Variants in GPR158 observed in about 807,000 individuals in gnomAD.
GPR158 encodes the protein G protein-coupled receptor 158.
In GPR158, 30 loss-of-function variants were observed where a neutral mutation model predicts 78.2. The observed-to-expected ratio is 0.38, with a 90% CI of 0.29 to 0.52. The LOEUF is 0.52. Ranked by LOEUF, GPR158 falls within the 20% of genes least tolerant of loss-of-function variation. The pLI is 0.83. For missense variants in GPR158, 1,463 were observed against 1,523.5 expected (o/e 0.96, Z 0.66); for synonymous variants, 581 against 591.1 (o/e 0.98, Z 0.25).
chr10:25,570,386 T>C (rs1836988781), intron 6 of GPR158, among the ~76,000 whole-genome samples: 1 of 152,204 alleles, frequency 6.6e-6, no homozygotes, highest in Non-Finnish European at 1.5e-5. Flanking sequence ...AAGGCCTCTT[T>C]TTGACTATGG....
rs869114678 is a variant in GPR158, at chr10:25,531,631, ATT to A, written c.1405-19343_1405-19342del. ...CTCCCTCGTCATAGGATTTGGTATT[ATT>A]TATGTTAATTTGCCATTGAGGGAAT... On this transcript the variant is annotated intron_variant, in intron 5 of 10. Coordinates refer to ENST00000376351, the MANE Select transcript of GPR158 (RefSeq NM_020752.3). 3.4e-5 allele frequency among the ~76,000 whole-genome samples: 5 copies of A among 145,566 alleles called. No individual in the cohort carries two copies. In the East Asian group the frequency reaches 1.0e-3, roughly 30 times the overall value.
At chr10:25,370,775 G>A (rs1385035540) in intron 2 of GPR158, among the ~76,000 whole-genome samples, 1 of 150,084 alleles carries the variant, frequency 6.7e-6, no homozygotes, top group Non-Finnish European at 1.5e-5. Flanking sequence ...GGGTGTTAAA[G>A]TCTCCCATTG....
In GPR158 at chr10:25,215,064, C is replaced by T. The variant is rs139922366; in HGVS notation, c.903-5988C>T. Among the ~76,000 whole-genome samples, 442 of 152,172 alleles carry T rather than the reference C, an allele frequency of 2.9e-3. 1 individual carries two copies. Among genetic ancestry groups the T allele is most frequent in the African/African-American group, 0.01 (430 of 41,532 alleles). ...TTCTAAATTTTGTTAAAAATCTAAG[C>T]GGCTCCATAGCAAGATTATTTACAA... On this transcript the variant is annotated intron_variant, in intron 1 of 10. Coordinates refer to ENST00000376351, the MANE Select transcript of GPR158 (RefSeq NM_020752.3).
intron 4 of GPR158, among the ~76,000 whole-genome samples, chr10:25,425,989 G>T (rs1484899831): frequency 1.3e-5 from 2 of 152,038 alleles, no homozygotes; most frequent in African/African-American, 4.8e-5. Context: ...GTGTGCAATT[G>T]TTCTTTATGT....
intron 3 of GPR158, among the ~76,000 whole-genome samples, chr10:25,396,604 G>T (rs910918312): frequency 6.6e-6 from 1 of 151,922 alleles, no homozygotes; most frequent in African/African-American, 2.4e-5. Context: ...TTCAAAACCA[G>T]CCTGGACAAC....
In GPR158 at chr10:25,376,395, G is replaced by T. The variant is rs138129907; in HGVS notation, c.1009-19516G>T. On this transcript the variant is annotated intron_variant, in intron 2 of 10. Coordinates refer to ENST00000376351, the MANE Select transcript of GPR158 (RefSeq NM_020752.3). ...TACAGTTAATGATGTATTTGGCTTTGTATATACAGTTTTACAAATTGATTT... is the reference window on the plus strand; with the variant it reads ...TACAGTTAATGATGTATTTGGCTTTTTATATACAGTTTTACAAATTGATTT... 1.3e-3 allele frequency among the ~76,000 whole-genome samples: 195 copies of T among 151,572 alleles called. 1 individual carries two copies. The highest frequency in any genetic ancestry group is 2.1e-3 in the Non-Finnish European group (140 of 67,590).
chr10:25,536,989 G>T (rs1221744097), intron 5 of GPR158, among the ~76,000 whole-genome samples: 3 of 152,180 alleles, frequency 2.0e-5, no homozygotes, highest in Non-Finnish European at 2.9e-5. Flanking sequence ...CCCTTTTATG[G>T]CAGAGTCCTA....
chr10:25,328,585 C>A (rs180937926), intron 2 of GPR158, among the ~76,000 whole-genome samples: 1 of 152,102 alleles, frequency 6.6e-6, no homozygotes, highest in African/African-American at 2.4e-5. Flanking sequence ...GTCAATGTGT[C>A]CAGTAAACAA....
chr10:25,550,560 C>T (rs1009274647), intron 5 of GPR158, among the ~76,000 whole-genome samples: 2 of 152,092 alleles, frequency 1.3e-5, no homozygotes, highest in Admixed American at 6.6e-5. Flanking sequence ...TTTGGACATA[C>T]ACCAAAGACT....
chr10:25,253,369 G>A lies in GPR158; in HGVS notation c.1008+32212G>A, dbSNP rs147569621. Among the ~76,000 whole-genome samples, 1,302 of 152,116 alleles carry A rather than the reference G, an allele frequency of 8.6e-3. 11 individuals carry two copies. Among genetic ancestry groups the A allele is most frequent in the Middle Eastern group, 0.068 (20 of 292 alleles). ...TTTATTCTTTAGAATAATGGGGGAG[G>A]TGTCCCTCTGAGCTAATTACTTGTT... On this transcript the variant is annotated intron_variant, in intron 2 of 10. Transcript: ENST00000376351.
intron 5 of GPR158, among the ~76,000 whole-genome samples, chr10:25,478,493 CGTGTGTGTGTGTGTGT>C (rs71399974): frequency 2.8e-5 from 4 of 145,092 alleles, no homozygotes; most frequent in South Asian, 4.4e-4. Flanking sequence ...ATATATAATG[CGTGTGTGTGTGTGTGT>C]GTGTGTGTGT....
intron 2 of GPR158, among the ~76,000 whole-genome samples, chr10:25,243,451 C>T (rs1853651512): frequency 6.6e-6 from 1 of 152,112 alleles, no homozygotes; most frequent in Non-Finnish European, 1.5e-5. Context: ...AAGGCCTTTC[C>T]CACAATGCTA....
In GPR158 at chr10:25,378,517, C is replaced by A. The variant is rs575419572; in HGVS notation, c.1009-17394C>A. Among the ~76,000 whole-genome samples the A allele has an allele frequency of 4.4e-4, 67 of 151,398 alleles. 1 individual carries two copies. In the South Asian group the frequency reaches 0.014, roughly 31 times the overall value. ...CTTAGTTTATATTTTTCCATTTGTCCCACTATGCTCTTTTTTCCTCTTTTC... is the reference window on the plus strand; with the variant it reads ...CTTAGTTTATATTTTTCCATTTGTCACACTATGCTCTTTTTTCCTCTTTTC... On this transcript the variant is annotated intron_variant, in intron 2 of 10. Coordinates refer to ENST00000376351, the MANE Select transcript of GPR158 (RefSeq NM_020752.3).
intron 5 of GPR158, among the ~76,000 whole-genome samples, chr10:25,473,145 T>C (rs1044576911): frequency 2.0e-5 from 3 of 151,894 alleles, no homozygotes; most frequent in Non-Finnish European, 4.4e-5. Flanking sequence ...ACCTAATTTA[T>C]TGAGAGTTTT....
In GPR158 at chr10:25,175,681, C is replaced by T; in HGVS notation, c.261C>T (p.Tyr87=). ...EVPMDVASYL[Y]TGDSHQLKRA... is the part of the protein sequence containing the mutation. The stretch of plus-strand genomic sequence containing the variant: ...CCATGGACGTGGCCTCTTACCTCTA[C>T]ACCGGGGACTCCCACCAGCTGAAGC... Residue 87 remains tyrosine (Y), a synonymous_variant, in exon 1 of 11, where the codon TAC becomes TAT. Transcript: ENST00000376351. The surrounding 1 kb of genome is among the most constrained non-coding windows in gnomAD (Gnocchi z 6.4). 6.2e-7 allele frequency: 1 copy of T among 1,611,692 alleles called. No individual in the cohort carries two copies. Among genetic ancestry groups the T allele is most frequent in the South Asian group, 1.1e-5 (1 of 91,092 alleles).
At chr10:25,326,975 T>TA (rs914073260) in intron 2 of GPR158, among the ~76,000 whole-genome samples, 3 of 152,188 alleles carry the variant, frequency 2.0e-5, no homozygotes, top group African/African-American at 4.8e-5. Context: ...AAAGCCATTT[T>TA]AAGTTAAAAA....
intron 6 of GPR158, among the ~76,000 whole-genome samples, chr10:25,570,987 A>G (rs1022682111): frequency 6.6e-6 from 1 of 152,192 alleles, no homozygotes; most frequent in African/African-American, 2.4e-5. Context: ...TTTAATATTT[A>G]GTTATAACAG....
chr10:25,473,530 G>T (rs561954903), intron 5 of GPR158, among the ~76,000 whole-genome samples: 7 of 152,244 alleles, frequency 4.6e-5, no homozygotes, highest in African/African-American at 1.4e-4. Context: ...AGAAGGAATG[G>T]TCCCAGCTCC....
chr10:25,219,893 A>G (rs988745425), intron 1 of GPR158, among the ~76,000 whole-genome samples: 1 of 152,126 alleles, frequency 6.6e-6, no homozygotes, highest in African/African-American at 2.4e-5. Flanking sequence ...GGCAAAGCAT[A>G]ATGTTTGGTT....
Sources: gnomAD v4.1 joint callset for allele counts (sites outside exome capture counted in the v4.1 genomes callset) on GRCh38, gnomAD v4.1.1 for gene constraint, Gnocchi (gnomAD v3.1) non-coding constraint, MANE v1.5 for transcripts, NCBI Gene and HGNC (gene_info 2026-07-23, HGNC 2026-07-21) for gene names.